PCDHGA3: variants seen among roughly 807,000 people sequenced by gnomAD.
PCDHGA3 encodes the protein protocadherin gamma-A3.
In PCDHGA3, 40 loss-of-function variants were observed where a neutral mutation model predicts 58.5. The observed-to-expected ratio is 0.68, with a 90% CI of 0.53 to 0.89. The LOEUF (loss-of-function observed/expected upper bound fraction) is 0.89, where lower values mean the gene tolerates loss of function less well. Ranked by LOEUF, PCDHGA3 falls within the 40% of genes least tolerant of loss-of-function variation. The pLI is 0.00. For synonymous variants in PCDHGA3, 530 were observed against 525.7 expected (o/e 1.01, Z -0.11); for missense variants, 1,223 against 1,195.9 (o/e 1.02, Z -0.33).
intron 1 of PCDHGA3, chr5:141,383,974 GAC>G: frequency 6.2e-7 from 1 of 1,613,818 alleles, no homozygotes; most frequent in Non-Finnish European, 8.5e-7. Flanking sequence ...AATCCCTGAA[GAC>G]ACACCTCTTG....
In PCDHGA3 at chr5:141,345,026, C is replaced by G. The variant is rs368099113; in HGVS notation, c.993C>G (p.Ala331=). The part of the protein sequence containing the change: ...AQDGPGLLSR[A]KILVTVLDVN... ...ATGGACCAGGTCTTCTTTCAAGAGCCAAGATTCTAGTCACGGTTCTGGATG... is the reference window on the plus strand; with the variant it reads ...ATGGACCAGGTCTTCTTTCAAGAGCGAAGATTCTAGTCACGGTTCTGGATG... The change falls in exon 1 of 4, where the codon GCC becomes GCG. Residue 331 remains alanine (A), a synonymous_variant. Transcript: ENST00000253812. The G allele has an allele frequency of 5.0e-6, 8 of 1,613,860 alleles. No homozygotes were observed. In the African/African-American group the frequency reaches 6.7e-5, roughly 13 times the overall value.
chr5:141,413,417 T>A (rs777399697), intron 1 of PCDHGA3: 1 of 1,614,086 alleles, frequency 6.2e-7, no homozygotes, highest in Non-Finnish European at 8.5e-7. Context: ...CTTTTCTCTC[T>A]GAACCCGCGC....
intron 1 of PCDHGA3, among the ~76,000 whole-genome samples, chr5:141,402,570 C>G (rs947118867): frequency 1.3e-5 from 2 of 152,138 alleles, no homozygotes; most frequent in Admixed American, 1.3e-4. Flanking sequence ...TTATTTACAA[C>G]TCAGATATCT....
chr5:141,467,990 A>G (rs1593103654), intron 1 of PCDHGA3, among the ~76,000 whole-genome samples: 2 of 152,052 alleles, frequency 1.3e-5, no homozygotes, highest in South Asian at 2.1e-4. Context: ...GAAAACCACA[A>G]TTCTTTCTTC....
At chr5:141,494,171 G>A (rs72790068) in intron 1 of PCDHGA3, among the ~76,000 whole-genome samples, 9,520 of 152,240 alleles carry the variant, frequency 0.063, 348 homozygotes, top group South Asian at 0.11. Flanking sequence ...TTCTAGGGGT[G>A]AGAAGTGTCC....
chr5:141,464,911 T>G (rs2099093002), intron 1 of PCDHGA3, among the ~76,000 whole-genome samples: 1 of 151,718 alleles, frequency 6.6e-6, no homozygotes, highest in Non-Finnish European at 1.5e-5. Context: ...GCTAATTTTT[T>G]TATTTTTTTG....
intron 1 of PCDHGA3, chr5:141,372,919 A>AT (rs1186389143): frequency 7.2e-5 from 73 of 1,017,918 alleles, no homozygotes; most frequent in Non-Finnish European, 9.7e-5. Context: ...TATTTTATTG[A>AT]TTTTCTGGTG....
chr5:141,456,098 C>T (rs1222639126), intron 1 of PCDHGA3, among the ~76,000 whole-genome samples: 2 of 151,980 alleles, frequency 1.3e-5, no homozygotes, highest in Non-Finnish European at 2.9e-5. Flanking sequence ...GGGATTTCAC[C>T]GTGTTAGCCA....
chr5:141,362,408 C>T lies in PCDHGA3; in HGVS notation c.2424+15951C>T, dbSNP rs756452261. ...TATTCCTACAACCTGTGTGTTGCCT[C>T]ACAATCAGCCAAGACAGAGTTCAAT... On this transcript the variant is annotated intron_variant, in intron 1 of 3. Transcript: ENST00000253812. The T allele has an allele frequency of 1.2e-4, 193 of 1,613,924 alleles. 1 individual carries two copies. The Admixed American group carries it at 3.2e-3, about 27-fold the overall frequency.
rs1481815885 is a variant in PCDHGA3 at position 141,345,171 on chromosome 5, G to A, written c.1138G>A (p.Gly380Arg). The A allele has an allele frequency of 1.2e-6, 2 of 1,613,828 alleles. No homozygotes were observed. The highest frequency in any genetic ancestry group is 1.7e-6 in the Non-Finnish European group (2 of 1,179,894). Residue 380 changes from glycine to arginine, a missense_variant, in exon 1 of 4, where the codon GGG becomes AGG. Coordinates refer to ENST00000253812, the MANE Select transcript of PCDHGA3 (RefSeq NM_018916.4). ...GCATGACCGAGATTCTGGGCAGAAT[G>A]GGCAGGTTGAAGTTTTTGTCCTGGG... ...DVHDRDSGQN[G>R]QVEVFVLGNL...
rs756361613 is a variant in PCDHGA3 at position 141,392,855 on chromosome 5, C to G, written c.2424+46398C>G. 3.1e-6 allele frequency: 5 copies of G among 1,612,176 alleles called. No individual in the cohort carries two copies. The highest frequency in any genetic ancestry group is 3.3e-4 in the Middle Eastern group (2 of 6,050). Reference sequence around the variant, plus strand: ...GTCGCCCCAGACGCGGCGAGCTGATCCTGCTGTGCGCGCTGCTGGGAACGC... The same window carrying G: ...GTCGCCCCAGACGCGGCGAGCTGATGCTGCTGTGCGCGCTGCTGGGAACGC... On this transcript the variant is annotated intron_variant, in intron 1 of 3. Coordinates refer to ENST00000253812, the MANE Select transcript of PCDHGA3 (RefSeq NM_018916.4).
intron 3 of PCDHGA3, among the ~76,000 whole-genome samples, chr5:141,508,506 C>G (rs2099869342): frequency 6.6e-6 from 1 of 152,180 alleles, no homozygotes; most frequent in Admixed American, 6.5e-5. Context: ...TCTCTCCCTC[C>G]TGGTCCAGCC....
intron 1 of PCDHGA3, chr5:141,415,504 C>G (rs1444248720): frequency 1.2e-6 from 2 of 1,614,216 alleles, no homozygotes; most frequent in South Asian, 2.2e-5. Flanking sequence ...CTTCCCCCAG[C>G]CCAATTATGC....
intron 1 of PCDHGA3, among the ~76,000 whole-genome samples, chr5:141,492,221 G>C (rs62379206): frequency 0.18 from 27,189 of 152,134 alleles, 2,633 homozygotes; most frequent in Admixed American, 0.28. Context: ...GGGCTCATGC[G>C]TGTCCTCCCT....
intron 1 of PCDHGA3, among the ~76,000 whole-genome samples, chr5:141,386,362 G>A (rs1285554716): frequency 6.6e-6 from 1 of 152,108 alleles, no homozygotes; most frequent in African/African-American, 2.4e-5. Context: ...CTTGATTCCA[G>A]AGACCTTTGA....
Position 141,346,243 on chromosome 5 carries a change from G to C in PCDHGA3, c.2210G>C (p.Gly737Ala), listed in dbSNP as rs1319701381. The C allele has an allele frequency of 1.2e-6, 2 of 1,614,208 alleles. No homozygotes were observed. Among genetic ancestry groups the C allele is most frequent in the South Asian group, 1.1e-5 (1 of 91,086 alleles). The change falls in exon 1 of 4, where the codon GGC becomes GCC. Residue 737 changes from glycine (G) to alanine (A), a missense_variant. Gly to Ala is a moderately conservative substitution (Grantham distance 60, BLOSUM62 0). This residue lies in a region of PCDHGA3 where 325 missense variants were observed against 327.5 expected (regional missense o/e 0.99). Transcript: ENST00000253812. The stretch of plus-strand genomic sequence containing the variant: ...GGAGGCGGCTTGGCGAGTACGCCCG[G>C]CTCGCACTTTGTGGGCGCGGACGGG... Reference protein sequence around the residue: ...ASGGGLASTPGSHFVGADGVR... With the variant: ...ASGGGLASTPASHFVGADGVR...
chr5:141,452,387 G>A (rs1052689230), intron 1 of PCDHGA3, among the ~76,000 whole-genome samples: 5 of 152,146 alleles, frequency 3.3e-5, no homozygotes, highest in African/African-American at 1.2e-4. Context: ...ATAGTATTTA[G>A]AAACTAAGAT....
At chr5:141,395,216 G>T in intron 1 of PCDHGA3, 1 of 1,612,150 alleles carries the variant, frequency 6.2e-7, no homozygotes, top group Non-Finnish European at 8.5e-7. Context: ...ATGAATATAA[G>T]AATGAAGCTG....
rs1389286417 is a variant in PCDHGA3 at position 141,432,046 on chromosome 5, C to T, written c.2425-62761C>T. ...CAGTGACCGCCACTGACCGGGGAAC[C>T]CCGCCCCTATCCACGGAAACTCATA... On this transcript the variant is annotated intron_variant, in intron 1 of 3. Transcript: ENST00000253812. This position sits in a 1 kb window ranked among gnomAD's most constrained non-coding sequence, Gnocchi z 6.0. 3.1e-6 allele frequency: 5 copies of T among 1,614,224 alleles called. No homozygotes were observed. The highest frequency in any genetic ancestry group is 2.2e-5 in the East Asian group (1 of 44,886).
Sources: gnomAD v4.1 joint callset for allele counts (sites outside exome capture counted in the v4.1 genomes callset) on GRCh38, gnomAD v4.1.1 for gene constraint, gnomAD v4.1.1 regional missense constraint, Gnocchi (gnomAD v3.1) non-coding constraint, MANE v1.5 for transcripts, NCBI Gene and HGNC (gene_info 2026-07-23, HGNC 2026-07-21) for gene names.